CNTNAP2: variants seen among roughly 807,000 people sequenced by gnomAD.
The protein encoded by CNTNAP2 is contactin-associated protein-like 2.
Under a neutral mutation model 155.2 loss-of-function variants are expected in CNTNAP2, and 98 were observed. The observed-to-expected ratio is 0.63, with a 90% CI of 0.54 to 0.75. The LOEUF (loss-of-function observed/expected upper bound fraction) is 0.75. CNTNAP2 is among the 30% of genes least tolerant of loss of function. CNTNAP2 has a pLI of 0.00. For synonymous variants in CNTNAP2, 651 were observed against 631.2 expected, an observed-to-expected ratio of 1.03 and a Z score of -0.47; for missense variants, 1,727 against 1,688.1, an observed-to-expected ratio of 1.02 and a Z score of -0.40.
At chr7:146,236,250 A>G (rs936497719) in intron 1 of CNTNAP2, among the ~76,000 whole-genome samples, 2 of 152,248 alleles carry the variant, frequency 1.3e-5, no homozygotes, top group Non-Finnish European at 2.9e-5. Flanking sequence ...CTATTAAAAA[A>G]ATAATTAAGA....
Position 147,806,765 on chromosome 7 carries a change from A to G in CNTNAP2, c.2099-96800A>G, listed in dbSNP as rs542223689. On this transcript the variant is annotated intron_variant, in intron 13 of 23. Coordinates refer to ENST00000361727, the MANE Select transcript of CNTNAP2 (RefSeq NM_014141.6). ...CCAGGCACCAAAAGGCAAATATTGCATATTCTCACTCATGAGTGGGAGCTA... is the reference window on the plus strand; with the variant it reads ...CCAGGCACCAAAAGGCAAATATTGCGTATTCTCACTCATGAGTGGGAGCTA... Among the ~76,000 whole-genome samples, 4 of 152,272 alleles carry G rather than the reference A, an allele frequency of 2.6e-5. 1 individual carries two copies. The highest frequency in any genetic ancestry group is 2.6e-4 in the Admixed American group (4 of 15,308).
chr7:148,091,507 G>A lies in CNTNAP2; in HGVS notation c.2384-26611G>A, dbSNP rs115887563. On this transcript the variant is annotated intron_variant, in intron 15 of 23. Coordinates refer to ENST00000361727, the MANE Select transcript of CNTNAP2 (RefSeq NM_014141.6). Reference sequence around the variant, plus strand: ...TTTGGCTGATGTATGGTCCAGAGAAGGCGATGCATATGGGACAAAATCATG... The same window carrying A: ...TTTGGCTGATGTATGGTCCAGAGAAAGCGATGCATATGGGACAAAATCATG... Among the ~76,000 whole-genome samples the A allele has an allele frequency of 4.0e-3, 615 of 152,268 alleles. 6 individuals are homozygous for A. Among genetic ancestry groups the A allele is most frequent in the African/African-American group, 0.014 (595 of 41,552 alleles).
At chr7:147,373,019 A>G (rs1300619853) in intron 9 of CNTNAP2, among the ~76,000 whole-genome samples, 3 of 152,100 alleles carry the variant, frequency 2.0e-5, no homozygotes, top group Admixed American at 1.3e-4. Context: ...TCACATTATT[A>G]AAATCTAACT....
At chr7:147,507,012 G>C (rs1798919044) in intron 11 of CNTNAP2, among the ~76,000 whole-genome samples, 1 of 152,002 alleles carries the variant, frequency 6.6e-6, no homozygotes. Context: ...TTTCTTAAAA[G>C]AAAAAAATAA....
chr7:147,775,300 T>A (rs1306163086), intron 13 of CNTNAP2, among the ~76,000 whole-genome samples: 4 of 54,034 alleles, frequency 7.4e-5, no homozygotes, highest in South Asian at 1.0e-3. Flanking sequence ...TATATTTATA[T>A]ATATTTATAA....
intron 10 of CNTNAP2, among the ~76,000 whole-genome samples, chr7:147,414,716 C>A (rs902001071): frequency 6.6e-6 from 1 of 151,658 alleles, no homozygotes; most frequent in Non-Finnish European, 1.5e-5. Context: ...CCAAGGTGGG[C>A]GGATCACGAG....
chr7:147,346,152 T>A lies in CNTNAP2; in HGVS notation c.1498+45862T>A, dbSNP rs1199343609. On this transcript the variant is annotated intron_variant, in intron 9 of 23. Coordinates refer to ENST00000361727, the MANE Select transcript of CNTNAP2 (RefSeq NM_014141.6). ...GATTTTATTTTATTTTATTTTATTT[T>A]ATTTTTTTTTTTTGAGACAGAGTCT... 7.4e-3 allele frequency among the ~76,000 whole-genome samples: 237 copies of A among 32,008 alleles called. 1 individual carries two copies. The highest frequency in any genetic ancestry group is 0.024 in the Middle Eastern group (1 of 42). The allele number at this position is 32,008 out of a possible 152,430, so 21.0% of individuals were successfully genotyped here.
intron 1 of CNTNAP2, among the ~76,000 whole-genome samples, chr7:146,581,687 C>A (rs7788025): frequency 6.6e-6 from 1 of 151,350 alleles, no homozygotes; most frequent in Non-Finnish European, 1.5e-5. Context: ...TTTGAATAAT[C>A]CAATTTTATT....
intron 1 of CNTNAP2, among the ~76,000 whole-genome samples, chr7:146,669,496 CA>C (rs1800258996): frequency 2.0e-5 from 3 of 152,004 alleles, no homozygotes; most frequent in South Asian, 4.2e-4. Flanking sequence ...AATCTCATGC[CA>C]AAAACAAATG....
chr7:147,549,806 G>A (rs1799816160), intron 11 of CNTNAP2, among the ~76,000 whole-genome samples: 1 of 152,170 alleles, frequency 6.6e-6, no homozygotes, highest in South Asian at 2.1e-4. Flanking sequence ...TCCACACCAT[G>A]TCTTCTTTTC....
chr7:146,676,014 A>G (rs1800392261), intron 1 of CNTNAP2, among the ~76,000 whole-genome samples: 1 of 152,152 alleles, frequency 6.6e-6, no homozygotes, highest in Non-Finnish European at 1.5e-5. Context: ...TATCTATAAC[A>G]TTTGGATTCT....
chr7:146,389,406 T>G (rs1795507746), intron 1 of CNTNAP2, among the ~76,000 whole-genome samples: 1 of 152,124 alleles, frequency 6.6e-6, no homozygotes, highest in Non-Finnish European at 1.5e-5. Flanking sequence ...CTTAATTCTT[T>G]TTGTAATTCC....
At chr7:146,968,467 G>A (rs1199086714) in intron 3 of CNTNAP2, among the ~76,000 whole-genome samples, 1 of 151,886 alleles carries the variant, frequency 6.6e-6, no homozygotes, top group Non-Finnish European at 1.5e-5. Context: ...GTAAGCTATT[G>A]ATTATTGCCA....
intron 9 of CNTNAP2, among the ~76,000 whole-genome samples, chr7:147,387,055 G>C (rs1360181789): frequency 6.6e-6 from 1 of 152,056 alleles, no homozygotes; most frequent in Non-Finnish European, 1.5e-5. Flanking sequence ...CTCGTGAGAC[G>C]TATTCACCAT....
chr7:146,249,959 C>G (rs920958005), intron 1 of CNTNAP2, among the ~76,000 whole-genome samples: 1 of 152,066 alleles, frequency 6.6e-6, no homozygotes, highest in African/African-American at 2.4e-5. Context: ...ATTTTCTCTT[C>G]ATTGTTTAGA....
At chr7:146,555,989 C>T (rs1423462864) in intron 1 of CNTNAP2, among the ~76,000 whole-genome samples, 1 of 152,176 alleles carries the variant, frequency 6.6e-6, no homozygotes, top group Admixed American at 6.5e-5. Flanking sequence ...GAGCAGGTTT[C>T]CACACCTGTA....
At chr7:147,321,927 A>G (rs1416005829) in intron 9 of CNTNAP2, among the ~76,000 whole-genome samples, 3 of 152,178 alleles carry the variant, frequency 2.0e-5, no homozygotes, top group East Asian at 1.9e-4. Flanking sequence ...AGTAACAGAG[A>G]CTGAAATTAA....
intron 13 of CNTNAP2, among the ~76,000 whole-genome samples, chr7:147,799,532 A>G (rs1049084833): frequency 2.6e-4 from 39 of 152,278 alleles, no homozygotes; most frequent in Admixed American, 2.0e-4. Context: ...CATTGTAAAA[A>G]TGTATATTAA....
At chr7:147,420,343 G>A (rs570255617) in intron 10 of CNTNAP2, among the ~76,000 whole-genome samples, 15 of 152,254 alleles carry the variant, frequency 9.9e-5, no homozygotes, top group African/African-American at 3.4e-4. Context: ...AGTACATCTT[G>A]AGTACCACAA....
Sources: allele counts gnomAD v4.1 joint callset (sites outside exome capture counted in the v4.1 genomes callset), GRCh38; gene constraint gnomAD v4.1.1; transcripts MANE v1.5; gene names NCBI Gene and HGNC (gene_info 2026-07-23, HGNC 2026-07-21).